Variants in PIEZO1 observed in about 807,000 individuals in gnomAD.
PIEZO1 encodes the protein piezo type mechanosensitive ion channel component 1 (Er blood group).
A neutral mutation model predicts 297.2 loss-of-function variants in PIEZO1; 296 were observed. The observed-to-expected ratio is 1.00, with a 90% confidence interval of 0.91 to 1.10. The LOEUF is 1.10. Ranked by LOEUF, PIEZO1 falls within the 50% of genes least tolerant of loss-of-function variation. PIEZO1 has a pLI of 0.00. For synonymous variants in PIEZO1, 2,427 were observed against 1,507.5 expected (o/e 1.61, Z -14.13); for missense variants, 5,018 against 3,455.5 (o/e 1.45, Z -11.34).
rs377630204 is a variant in PIEZO1, at chr16:88,758,286, TAA to T, written c.65-8809_65-8808del. Among the ~76,000 whole-genome samples the T allele has an allele frequency of 2.3e-3, 355 of 152,162 alleles. 2 individuals carry two copies. Among genetic ancestry groups the T allele is most frequent in the African/African-American group, 8.1e-3 (335 of 41,488 alleles). ...ATTCAAGGCTCCCACCACTCTGGGT[TAA>T]GTGTCAGCTGACCCTGTGGGCTTCC... On this transcript the variant is annotated intron_variant, in intron 1 of 50. Coordinates refer to ENST00000301015, the MANE Select transcript of PIEZO1 (RefSeq NM_001142864.4).
rs1168181921 is a variant in PIEZO1, at chr16:88,726,705, G to A, written c.3699+10C>T. 34 of 1,548,870 alleles carry A rather than the reference G, an allele frequency of 2.2e-5. No homozygotes were observed. The highest frequency in any genetic ancestry group is 1.7e-4 in the Middle Eastern group (1 of 6,000). On this transcript the variant is annotated intron_variant, in intron 25 of 50. Transcript: ENST00000301015. ...CCAGGGCGGTGGGTGCGGGGGGGCC[G>A]GAGGCTCACCGACAGCATGTTCTTG...
At position 88,732,701 on chromosome 16, in the gene PIEZO1, G is replaced by A. The variant is rs755628262; in HGVS notation, c.2696C>T (p.Thr899Met). The part of the protein sequence containing the change: ...PFPNSTNLLP[T>M]EISQSLLYRG... The stretch of plus-strand genomic sequence containing the variant: ...GTACAGCAGGGACTGGCTGATCTCC[G>A]TGGGCAGCAAGTTGGTGCTGTTGGG... Residue 899 changes from threonine (T) to methionine (M), a missense_variant, in exon 20 of 51, where the codon ACG becomes ATG. By Grantham distance (81) the Thr-to-Met change is moderately conservative. Transcript: ENST00000301015. 4.8e-5 allele frequency: 75 copies of A among 1,549,034 alleles called. No individual in the cohort carries two copies. The highest frequency in any genetic ancestry group is 6.8e-5 in the African/African-American group (5 of 73,150).
Position 88,735,095 on chromosome 16 carries a change from C to T in PIEZO1, c.1669+40G>A, listed in dbSNP as rs143930973. On this transcript the variant is annotated intron_variant, in intron 13 of 50. Coordinates refer to ENST00000301015, the MANE Select transcript of PIEZO1 (RefSeq NM_001142864.4). The stretch of plus-strand genomic sequence containing the variant: ...GGGCAGGCGATGGCATCAGGGCGGG[C>T]AGGCAGGAGGGCAACCCCCGCCTCT... 8,201 of 1,549,692 alleles carry T rather than the reference C, an allele frequency of 5.3e-3. 32 individuals are homozygous for T. The highest frequency in any genetic ancestry group is 6.1e-3 in the Non-Finnish European group (7,044 of 1,146,396).
chr16:88,731,921 G>T lies in PIEZO1; in HGVS notation c.2992-11C>A. The T allele has an allele frequency of 4.6e-6, 7 of 1,505,780 alleles. No individual in the cohort carries two copies. The highest frequency in any genetic ancestry group is 4.5e-6 in the Non-Finnish European group (5 of 1,117,470). The allele number at this position is 1,505,780 out of a possible 1,614,324, so 93.3% of individuals were successfully genotyped here. Reference sequence around the variant, plus strand: ...CATCAGGAAGCAGATCTGGGGAGGGGAGAGGGCGGGGTGTGGGGATGCACT... The same window carrying T: ...CATCAGGAAGCAGATCTGGGGAGGGTAGAGGGCGGGGTGTGGGGATGCACT... On this transcript the variant is annotated splice_polypyrimidine_tract_variant and intron_variant, in intron 21 of 50. Coordinates refer to ENST00000301015, the MANE Select transcript of PIEZO1 (RefSeq NM_001142864.4).
Position 88,726,320 on chromosome 16 carries a change from C to G in PIEZO1, c.3932G>C (p.Arg1311Thr), listed in dbSNP as rs1904427282. ...CAGGGCGGTGGCCTGGAGGTCGGCC[C>G]TGACGTGCAGGTAGTAATGGCTAAG... ...VFLSHYYLHV[R>T]ADLQATALLA... is the part of the protein sequence containing the mutation. The change falls in exon 27 of 51, where the codon AGG becomes ACG. Residue 1311 changes from arginine (R) to threonine (T), a missense_variant. Coordinates refer to ENST00000301015, the MANE Select transcript of PIEZO1 (RefSeq NM_001142864.4). The G allele has an allele frequency of 2.6e-6, 4 of 1,550,126 alleles. No homozygotes were observed. The highest frequency in any genetic ancestry group is 2.0e-5 in the Admixed American group (1 of 50,970).
At chr16:88,763,992 T>C (rs1907051373) in intron 1 of PIEZO1, among the ~76,000 whole-genome samples, 1 of 152,080 alleles carries the variant, frequency 6.6e-6, no homozygotes, top group South Asian at 2.1e-4. Context: ...CAGAGGGGTT[T>C]CAGGAGCCCA....
Position 88,720,193 on chromosome 16 carries a change from T to A in PIEZO1, c.6040A>T (p.Thr2014Ser). ...TAGAGGGCGCGGTCAACCACCATGG[T>A]ACTGAACTGGATCAGCAGCATGACC... ...FLVMLLIQFS[T>S]MVVDRALYLR... Residue 2014 changes from threonine (T) to serine (S), a missense_variant, in exon 42 of 51, where the codon ACC (threonine) becomes TCC (serine). Coordinates refer to ENST00000301015, the MANE Select transcript of PIEZO1 (RefSeq NM_001142864.4). 1 of 1,550,466 alleles carries A rather than the reference T, an allele frequency of 6.4e-7. No homozygotes were observed. The highest frequency in any genetic ancestry group is 8.7e-7 in the Non-Finnish European group (1 of 1,146,960).
At chr16:88,770,951 G>A (rs770838801) in intron 1 of PIEZO1, among the ~76,000 whole-genome samples, 11 of 152,228 alleles carry the variant, frequency 7.2e-5, no homozygotes, top group Non-Finnish European at 1.0e-4. Context: ...GCCGTCACAT[G>A]CCCTGAGCGC....
intron 1 of PIEZO1, among the ~76,000 whole-genome samples, chr16:88,778,177 A>G (rs570009624): frequency 2.0e-5 from 3 of 152,312 alleles, no homozygotes; most frequent in East Asian, 3.9e-4. Flanking sequence ...GGTGTAGCTC[A>G]CAGATGGGCA....
intron 41 of PIEZO1, 25 bp downstream of exon 41, chr16:88,720,360 G>A (rs1018364555): frequency 3.2e-6 from 5 of 1,550,276 alleles, no homozygotes; most frequent in South Asian, 1.2e-5. Flanking sequence ...GCGTACACTG[G>A]GTTTGGGTCC....
rs1160935097 is a variant in PIEZO1, at chr16:88,734,460, C to T, written c.2076G>A (p.Leu692=). Reference sequence around the variant, plus strand: ...AGTAGTGCAGCTGCAGGATGCAGGCCAGGAGGAAGAAGCCGGGCACCAGGA... The same window carrying T: ...AGTAGTGCAGCTGCAGGATGCAGGCTAGGAGGAAGAAGCCGGGCACCAGGA... The part of the protein sequence containing the change: ...SSILVPGFFL[L]ACILQLHYFH... Residue 692 remains leucine, a synonymous_variant, in exon 16 of 51, where the codon CTG becomes CTA. Transcript: ENST00000301015. 36 of 1,549,868 alleles carry T rather than the reference C, an allele frequency of 2.3e-5. No individual in the cohort carries two copies. The highest frequency in any genetic ancestry group is 3.1e-5 in the Non-Finnish European group (36 of 1,146,734).
chr16:88,764,746 C>T (rs556975920), intron 1 of PIEZO1, among the ~76,000 whole-genome samples: 152 of 144,440 alleles, frequency 1.1e-3, no homozygotes, highest in Admixed American at 5.0e-3. Context: ...AGTGAAACTC[C>T]GTCTCAAAAA....
intron 1 of PIEZO1, among the ~76,000 whole-genome samples, chr16:88,751,103 T>A (rs1906366963): frequency 6.6e-6 from 1 of 152,114 alleles, no homozygotes; most frequent in Non-Finnish European, 1.5e-5. Context: ...GGAAGTCTTC[T>A]GGAGGGAGGC....
At position 88,749,218 on chromosome 16, in the gene PIEZO1, C is replaced by CAA. The variant is rs1906251588; in HGVS notation, c.160+165_160+166insTT. Among the ~76,000 whole-genome samples the CAA allele has an allele frequency of 1.6e-4, 24 of 150,552 alleles. No individual in the cohort carries two copies. The East Asian group carries it at 4.7e-3, about 30-fold the overall frequency. ...TCGCGCCACTGCACTCCAGCCTGGG[C>CAA]GACTGAGCGAGACTCCGTCTCAAAA... is the stretch of plus-strand genomic sequence containing the variant. On this transcript the variant is annotated intron_variant, in intron 2 of 50. Transcript: ENST00000301015.
chr16:88,717,698 A>C, intron 44 of PIEZO1: 2 of 437,248 alleles, frequency 4.6e-6, no homozygotes, highest in South Asian at 3.3e-5. Context: ...AGAAAATTTA[A>C]GAGACAGTCC....
intron 1 of PIEZO1, among the ~76,000 whole-genome samples, chr16:88,756,061 A>T (rs1185882931): frequency 6.6e-6 from 1 of 152,140 alleles, no homozygotes; most frequent in African/African-American, 2.4e-5. Context: ...CACAGGAGTG[A>T]GCAGTCAGAG....
At chr16:88,728,417 G>A (rs1162151013) in intron 22 of PIEZO1, among the ~76,000 whole-genome samples, 1 of 151,982 alleles carries the variant, frequency 6.6e-6, no homozygotes, top group African/African-American at 2.4e-5. Context: ...GGGGAACCCA[G>A]GACATGCTGA....
chr16:88,731,515 G>T (rs753784420), intron 22 of PIEZO1, 191 bp downstream of exon 22: 3 of 589,556 alleles, frequency 5.1e-6, no homozygotes, highest in South Asian at 2.1e-5. Context: ...CCTGGAGGGG[G>T]CCAGGCCGCC....
chr16:88,773,210 C>T (rs574964112), intron 1 of PIEZO1, among the ~76,000 whole-genome samples: 1 of 152,248 alleles, frequency 6.6e-6, no homozygotes, highest in South Asian at 2.1e-4. Context: ...CCCAGTAACT[C>T]CCGGCGTCAC....
Sources: gnomAD v4.1 joint callset for allele counts (sites outside exome capture counted in the v4.1 genomes callset) on GRCh38, gnomAD v4.1.1 for gene constraint, MANE v1.5 for transcripts, NCBI Gene and HGNC (gene_info 2026-07-23, HGNC 2026-07-21) for gene names.